Variants in ARHGAP31 observed in about 807,000 individuals in gnomAD.
ARHGAP31 encodes rho GTPase-activating protein 31.
ARHGAP31 carries 34 observed loss-of-function variants against 113.9 expected under a neutral mutation model. That is an observed-to-expected ratio of 0.30 (90% CI 0.23 to 0.40). ARHGAP31 has a LOEUF of 0.40. Among genes scored for constraint, ARHGAP31 ranks in the 10% least tolerant of loss-of-function variants. The pLI, the probability that ARHGAP31 is intolerant of heterozygous loss-of-function variation, is 1.00. For missense variants in ARHGAP31, 1,548 were observed against 1,767.1 expected, an observed-to-expected ratio of 0.88 and a Z score of 2.22; for synonymous variants, 650 against 684.8, an observed-to-expected ratio of 0.95 and a Z score of 0.79.
In ARHGAP31 at chr3:119,354,839, C is replaced by G. The variant is rs991343178; in HGVS notation, c.101-10477C>G. On this transcript the variant is annotated intron_variant, in intron 1 of 11. Transcript: ENST00000264245. ...AAGAGGTAGTTTTTAAAGAGACATTCTGTACTCTATATTTATATATAATTT... is the reference window on the plus strand; with the variant it reads ...AAGAGGTAGTTTTTAAAGAGACATTGTGTACTCTATATTTATATATAATTT... Among the ~76,000 whole-genome samples, 3 of 151,278 alleles carry G rather than the reference C, an allele frequency of 2.0e-5. No individual in the cohort carries two copies. In the South Asian group the frequency reaches 6.2e-4, roughly 32 times the overall value.
At chr3:119,314,094 C>T (rs1391805041) in intron 1 of ARHGAP31, among the ~76,000 whole-genome samples, 2 of 152,220 alleles carry the variant, frequency 1.3e-5, no homozygotes, top group Non-Finnish European at 2.9e-5. Context: ...CCGACCAGAG[C>T]ATTATCCCTG....
chr3:119,346,148 C>A (rs1028241939), intron 1 of ARHGAP31, among the ~76,000 whole-genome samples: 2 of 152,216 alleles, frequency 1.3e-5, no homozygotes, highest in African/African-American at 4.8e-5. Context: ...CACCAGGGGC[C>A]CTAGCCTGAG....
intron 1 of ARHGAP31, among the ~76,000 whole-genome samples, chr3:119,337,154 C>A (rs1418002893): frequency 2.0e-5 from 3 of 152,192 alleles, no homozygotes; most frequent in Admixed American, 1.3e-4. Context: ...AAGAATGAAG[C>A]CGCGGACCCT....
intron 1 of ARHGAP31, among the ~76,000 whole-genome samples, chr3:119,303,343 T>C (rs2079601665): frequency 6.6e-6 from 1 of 152,186 alleles, no homozygotes; most frequent in Non-Finnish European, 1.5e-5. Flanking sequence ...TACTCCCAAA[T>C]AGAAACTGAC....
At chr3:119,322,508 T>C (rs149968499) in intron 1 of ARHGAP31, 186 of 152,730 alleles carry the variant, frequency 1.2e-3, no homozygotes, top group Non-Finnish European at 1.9e-3. Flanking sequence ...TTGTCCTGGA[T>C]GTCTCCCTTG....
intron 1 of ARHGAP31, among the ~76,000 whole-genome samples, chr3:119,310,563 G>A (rs1175551569): frequency 1.3e-5 from 2 of 152,188 alleles, no homozygotes; most frequent in African/African-American, 2.4e-5. Flanking sequence ...TAATAGGAGC[G>A]CCAATCCTAT....
chr3:119,306,330 G>C (rs758377620), intron 1 of ARHGAP31, among the ~76,000 whole-genome samples: 1 of 152,036 alleles, frequency 6.6e-6, no homozygotes, highest in Non-Finnish European at 1.5e-5. Context: ...TAGGTGGGTG[G>C]ATCACTTGAG....
chr3:119,373,805 G>A (rs1276310019), intron 3 of ARHGAP31, among the ~76,000 whole-genome samples: 2 of 152,108 alleles, frequency 1.3e-5, no homozygotes, highest in East Asian at 3.9e-4. Flanking sequence ...AGTATAAATT[G>A]GTTGGACGTC....
chr3:119,332,481 C>G (rs1053514032), intron 1 of ARHGAP31, among the ~76,000 whole-genome samples: 7 of 152,066 alleles, frequency 4.6e-5, no homozygotes, highest in Non-Finnish European at 1.0e-4. Flanking sequence ...ATTACATAGG[C>G]AAGAGCCACC....
At chr3:119,327,406 A>G (rs1339851923) in intron 1 of ARHGAP31, among the ~76,000 whole-genome samples, 1 of 151,982 alleles carries the variant, frequency 6.6e-6, no homozygotes, top group Non-Finnish European at 1.5e-5. Flanking sequence ...TTAGCCGGGC[A>G]TGGTGGCATG....
chr3:119,413,782 C>G, intron 11 of ARHGAP31, 74 bp from the exon 12 acceptor site: 7 of 1,606,700 alleles, frequency 4.4e-6, no homozygotes, highest in African/African-American at 1.3e-5. Flanking sequence ...AGTCCCTTCC[C>G]TCTCACTGGA....
At chr3:119,336,922 G>A (rs183188286) in intron 1 of ARHGAP31, among the ~76,000 whole-genome samples, 5 of 152,226 alleles carry the variant, frequency 3.3e-5, no homozygotes, top group Admixed American at 3.3e-4. Flanking sequence ...CTGGCTTTTT[G>A]TTTCTGGCTT....
chr3:119,382,186 G>C, intron 4 of ARHGAP31, 106 bp from the exon 5 acceptor site: 1 of 1,093,940 alleles, frequency 9.1e-7, no homozygotes, highest in Non-Finnish European at 1.4e-6. Flanking sequence ...CATTAAAATA[G>C]AAATATTTAG....
chr3:119,323,074 C>T (rs2079807077), intron 1 of ARHGAP31, among the ~76,000 whole-genome samples: 1 of 152,228 alleles, frequency 6.6e-6, no homozygotes, highest in African/African-American at 2.4e-5. Flanking sequence ...AAGACGGTGG[C>T]GCTGACTCTG....
intron 1 of ARHGAP31, among the ~76,000 whole-genome samples, chr3:119,336,597 G>T (rs1341809286): frequency 1.3e-5 from 2 of 152,102 alleles, no homozygotes; most frequent in African/African-American, 4.8e-5. Context: ...TATTTTGTTG[G>T]TCTAAGTTCT....
At chr3:119,381,075 T>C in intron 4 of ARHGAP31, 89 bp downstream of exon 4, 1 of 1,306,986 alleles carries the variant, frequency 7.7e-7, no homozygotes. Context: ...GGAAACAATG[T>C]GTGGACAGTA....
At chr3:119,332,617 TCTCTCTCTCTCTCTCTCTCACA>T (rs1220734732) in intron 1 of ARHGAP31, among the ~76,000 whole-genome samples, 2 of 113,548 alleles carry the variant, frequency 1.8e-5, no homozygotes, top group African/African-American at 8.1e-5. Context: ...TCTCTCTCTC[TCTCTCTCTCTCTCTCTCTCACA>T]CACACACACA....
At chr3:119,311,579 CCA>C (rs2079684001) in intron 1 of ARHGAP31, among the ~76,000 whole-genome samples, 1 of 152,172 alleles carries the variant, frequency 6.6e-6, no homozygotes, top group African/African-American at 2.4e-5. Flanking sequence ...ACTCAACAAA[CCA>C]CAGTTTGTTT....
chr3:119,419,008 A>G lies in ARHGAP31; in HGVS notation c.*2744A>G, dbSNP rs9289129. ...AAGAAAACTCATATTCCTCCCCCCCACAAATTGTTCCCCCAAATGCTCTGG... is the reference window on the plus strand; with the variant it reads ...AAGAAAACTCATATTCCTCCCCCCCGCAAATTGTTCCCCCAAATGCTCTGG... On this transcript the variant is annotated 3_prime_UTR_variant, in exon 12 of 12. Transcript: ENST00000264245. 112,168 of 151,378 alleles carry G rather than the reference A, an allele frequency of 0.74. 41,631 individuals carry two copies. The highest frequency in any genetic ancestry group is 0.87 in the East Asian group (4,464 of 5,152). 9.4% of individuals were successfully genotyped at this position (151,378 alleles called of 1,614,324 possible). A position where few individuals can be genotyped will look rare whatever the true frequency, so the allele number is the denominator to read the frequency against.
Sources: gnomAD v4.1 joint callset for allele counts (sites outside exome capture counted in the v4.1 genomes callset) on GRCh38, gnomAD v4.1.1 for gene constraint, MANE v1.5 for transcripts, NCBI Gene and HGNC (gene_info 2026-07-23, HGNC 2026-07-21) for gene names.